Variants in WDR72 observed in about 807,000 individuals in gnomAD.
The protein encoded by WDR72 is WD repeat domain 72.
In WDR72, 120 loss-of-function variants were observed where a neutral mutation model predicts 124.2. The observed-to-expected ratio is 0.97, with a 90% confidence interval of 0.83 to 1.12. The LOEUF (loss-of-function observed/expected upper bound fraction) is 1.12, where lower values mean the gene tolerates loss of function less well. Among genes scored for constraint, WDR72 ranks in the 50% most tolerant of loss-of-function variants. The probability of loss-of-function intolerance (pLI) is 0.00; values close to 1 mark genes in which losing one functional copy is unlikely to be tolerated. For synonymous variants in WDR72, 452 were observed against 441.7 expected, an observed-to-expected ratio of 1.02 and a Z score of -0.29; for missense variants, 1,387 against 1,278.8, an observed-to-expected ratio of 1.08 and a Z score of -1.29.
chr15:53,684,790 T>G (rs2016549769), intron 13 of WDR72, among the ~76,000 whole-genome samples: 1 of 152,134 alleles, frequency 6.6e-6, no homozygotes, highest in African/African-American at 2.4e-5. Flanking sequence ...AGCAGTAACC[T>G]CTGCAGACTT....
Position 53,714,514 on chromosome 15 carries a change from T to C in WDR72, c.515-4A>G. The C allele has an allele frequency of 6.2e-7, 1 of 1,611,628 alleles. No individual in the cohort carries two copies. Among genetic ancestry groups the C allele is most frequent in the Admixed American group, 1.7e-5 (1 of 59,964 alleles). On this transcript the variant is annotated splice_region_variant and splice_polypyrimidine_tract_variant and intron_variant, in intron 5 of 19. Transcript: ENST00000360509. ...GATACCACCAAGAGAGAATCTTCTG[T>C]GAAAATAATAAAAGTCACATATAAG...
rs1161381039 is a variant in WDR72 at position 53,615,835 on chromosome 15, T to C, written c.2371A>G (p.Thr791Ala). 2 of 1,613,688 alleles carry C rather than the reference T, an allele frequency of 1.2e-6. No individual in the cohort carries two copies. Among genetic ancestry groups the C allele is most frequent in the Admixed American group, 1.7e-5 (1 of 59,946 alleles). The change falls in exon 15 of 20, where the codon ACA becomes GCA. Residue 791 changes from threonine (T) to alanine (A), a missense_variant. Physicochemically the swap from Thr to Ala is moderately conservative, Grantham distance 58. Transcript: ENST00000360509. ...AGAAACAATTTTGCTGTGTCTATTG[T>C]GAGACTGGCATCTACTTTTCTTGAT... ...KPSRKVDASL[T>A]IDTAKLFLSC...
At chr15:53,635,663 G>C (rs2014595552) in intron 14 of WDR72, among the ~76,000 whole-genome samples, 1 of 152,002 alleles carries the variant, frequency 6.6e-6, no homozygotes, top group Non-Finnish European at 1.5e-5. Context: ...CATAAAGATG[G>C]AAACAACAGA....
rs1268662083 is a variant in WDR72 at position 53,727,626 on chromosome 15, C to A, written c.154-4718G>T. 3.9e-5 allele frequency among the ~76,000 whole-genome samples: 6 copies of A among 152,104 alleles called. No individual in the cohort carries two copies. In the East Asian group the frequency reaches 1.2e-3, roughly 29 times the overall value. On this transcript the variant is annotated intron_variant, in intron 2 of 19. Coordinates refer to ENST00000360509, the MANE Select transcript of WDR72 (RefSeq NM_182758.4). ...GTCATCACACTCAGGGGTGCATATC[C>A]CTGTGCATTTAATCCCTTTCCAGTC...
chr15:53,694,448 GT>G (rs1317629647), intron 13 of WDR72, among the ~76,000 whole-genome samples: 5 of 152,094 alleles, frequency 3.3e-5, no homozygotes, highest in Non-Finnish European at 7.4e-5. Context: ...GACCAGAGCC[GT>G]TAGAACTATG....
At chr15:53,697,818 T>G (rs1023770921) in intron 13 of WDR72, among the ~76,000 whole-genome samples, 1 of 152,170 alleles carries the variant, frequency 6.6e-6, no homozygotes, top group Admixed American at 6.5e-5. Flanking sequence ...TATTATTATT[T>G]TTTTGTTTGA....
At chr15:53,608,681 G>A (rs12915944) in intron 17 of WDR72, among the ~76,000 whole-genome samples, 5,794 of 151,976 alleles carry the variant, frequency 0.038, 151 homozygotes, top group Non-Finnish European at 0.057. Flanking sequence ...ACTTGAGCCT[G>A]GAAGAACGAG....
At chr15:53,757,321 C>T (rs766575115) in intron 1 of WDR72, among the ~76,000 whole-genome samples, 2 of 152,048 alleles carry the variant, frequency 1.3e-5, no homozygotes, top group African/African-American at 2.4e-5. Flanking sequence ...TATGATGTAG[C>T]GATAGAATTA....
intron 1 of WDR72, among the ~76,000 whole-genome samples, chr15:53,757,563 C>G (rs186889119): frequency 2.6e-5 from 4 of 152,036 alleles, no homozygotes; most frequent in African/African-American, 7.2e-5. Context: ...CCAGAGGGTG[C>G]AGTGAGCCGA....
At chr15:53,519,058 A>C (rs1891635923) in intron 19 of WDR72, among the ~76,000 whole-genome samples, 1 of 151,304 alleles carries the variant, frequency 6.6e-6, no homozygotes, top group African/African-American at 2.5e-5. Context: ...GCTACTTTGG[A>C]GTGCACTGTT....
chr15:53,717,142 C>T (rs690600), intron 3 of WDR72, among the ~76,000 whole-genome samples: 110,295 of 152,082 alleles, frequency 0.73, 40,156 homozygotes, highest in Middle Eastern at 0.79. Flanking sequence ...GGTCTATCAT[C>T]GATAACAGTT....
chr15:53,636,557 T>C (rs947767849), intron 14 of WDR72, among the ~76,000 whole-genome samples: 3 of 152,164 alleles, frequency 2.0e-5, no homozygotes, highest in African/African-American at 4.8e-5. Flanking sequence ...ACAAACTATA[T>C]AAGAAATGTA....
At position 53,609,570 on chromosome 15, in the gene WDR72, A is replaced by G. The variant is rs779482511; in HGVS notation, c.2895T>C (p.Pro965=). 3.7e-6 allele frequency: 6 copies of G among 1,613,372 alleles called. No homozygotes were observed. Among genetic ancestry groups the G allele is most frequent in the South Asian group, 1.1e-5 (1 of 91,082 alleles). Residue 965 remains proline, a synonymous_variant, in exon 17 of 20, where the codon CCT becomes CCC. Transcript: ENST00000360509. The stretch of plus-strand genomic sequence containing the variant: ...GCTTCAAAAGTGAAAGGTCAGCCTC[A>G]GGTACATGGGATTCATTCTTACCTA... ...LRNGKNESHV[P]EADLSLLKLI...
At chr15:53,723,636 C>T (rs2017939438) in intron 2 of WDR72, among the ~76,000 whole-genome samples, 1 of 152,120 alleles carries the variant, frequency 6.6e-6, no homozygotes, top group East Asian at 1.9e-4. Context: ...ACACAGCTGC[C>T]CCACACCCCA....
At chr15:53,741,433 C>T (rs753243218) in intron 1 of WDR72, among the ~76,000 whole-genome samples, 1 of 152,128 alleles carries the variant, frequency 6.6e-6, no homozygotes, top group African/African-American at 2.4e-5. Flanking sequence ...AATTCAGAGA[C>T]GTACTTCCAG....
At chr15:53,647,531 G>C (rs2015084659) in intron 14 of WDR72, among the ~76,000 whole-genome samples, 1 of 151,950 alleles carries the variant, frequency 6.6e-6, no homozygotes, top group Non-Finnish European at 1.5e-5. Context: ...CAAATTATCT[G>C]TGCAATCATT....
intron 17 of WDR72, among the ~76,000 whole-genome samples, chr15:53,606,236 G>A (rs2013276421): frequency 6.6e-6 from 1 of 152,174 alleles, no homozygotes; most frequent in Non-Finnish European, 1.5e-5. Context: ...GAAATGTTCT[G>A]CTGAATCCTT....
intron 18 of WDR72, among the ~76,000 whole-genome samples, chr15:53,572,375 C>A (rs193254251): frequency 2.6e-4 from 39 of 151,946 alleles, no homozygotes; most frequent in Non-Finnish European, 4.3e-4. Context: ...AGTCTTTAAT[C>A]CAATTTGAGT....
chr15:53,573,221 G>A (rs1301142579), intron 18 of WDR72, among the ~76,000 whole-genome samples: 3 of 152,126 alleles, frequency 2.0e-5, no homozygotes, highest in Non-Finnish European at 4.4e-5. Context: ...TGTGCATGTG[G>A]CTGTGTGTCT....
Sources: allele counts gnomAD v4.1 joint callset (sites outside exome capture counted in the v4.1 genomes callset), GRCh38; gene constraint gnomAD v4.1.1; transcripts MANE v1.5; gene names NCBI Gene and HGNC (gene_info 2026-07-23, HGNC 2026-07-21).